XRCC2: variants seen among roughly 807,000 people sequenced by gnomAD.
The protein encoded by XRCC2 is X-ray repair cross complementing 2.
XRCC2 carries 24 observed loss-of-function variants against 27.3 expected under a neutral mutation model. That is an observed-to-expected ratio of 0.88 (90% CI 0.64 to 1.24). XRCC2 has a LOEUF of 1.24. Ranked by LOEUF, XRCC2 falls within the 50% of genes most tolerant of loss-of-function variation. The probability of loss-of-function intolerance (pLI) is 0.00; values close to 1 mark genes in which losing one functional copy is unlikely to be tolerated. For missense variants in XRCC2, 321 were observed against 325.8 expected, an observed-to-expected ratio of 0.99 and a Z score of 0.11; for synonymous variants, 106 against 115.4, an observed-to-expected ratio of 0.92 and a Z score of 0.52.
chr7:152,662,939 T>C (rs1387875152), intron 1 of XRCC2, among the ~76,000 whole-genome samples: 1 of 152,174 alleles, frequency 6.6e-6, no homozygotes, highest in Non-Finnish European at 1.5e-5. Flanking sequence ...AAAAGTTCTA[T>C]GCATTAATTT....
chr7:152,658,034 C>T (rs1198718472), intron 2 of XRCC2, among the ~76,000 whole-genome samples: 1 of 148,634 alleles, frequency 6.7e-6, no homozygotes. Flanking sequence ...GGCGCAATCT[C>T]GGCTCATTGC....
At chr7:152,670,719 C>G (rs745876117) in intron 1 of XRCC2, among the ~76,000 whole-genome samples, 1 of 152,068 alleles carries the variant, frequency 6.6e-6, no homozygotes, top group Non-Finnish European at 1.5e-5. Context: ...CCTGCCTCAG[C>G]CTCCTGAGTT....
intron 1 of XRCC2, among the ~76,000 whole-genome samples, chr7:152,669,154 G>A (rs774207443): frequency 1.8e-4 from 28 of 152,156 alleles, no homozygotes; most frequent in Admixed American, 1.1e-3. Flanking sequence ...TGAGGCAGGA[G>A]TACTTGAGGC....
At chr7:152,662,604 G>A (rs1208881828) in intron 1 of XRCC2, among the ~76,000 whole-genome samples, 12 of 110,540 alleles carry the variant, frequency 1.1e-4, no homozygotes, top group Admixed American at 4.1e-4. Flanking sequence ...ACGGAGTCTC[G>A]CTCTGTCGCC....
intron 1 of XRCC2, among the ~76,000 whole-genome samples, chr7:152,664,507 T>C (rs1250243567): frequency 2.0e-5 from 3 of 152,284 alleles, no homozygotes; most frequent in Middle Eastern, 6.8e-3. Flanking sequence ...CCCTCAGATA[T>C]TGGAGCCCCT....
chr7:152,654,698 G>A (rs1179144202), intron 2 of XRCC2, among the ~76,000 whole-genome samples: 1 of 152,204 alleles, frequency 6.6e-6, no homozygotes, highest in African/African-American at 2.4e-5. Context: ...CAAGGACAGA[G>A]TGGATTCCCG....
At chr7:152,663,841 T>G in intron 1 of XRCC2, 3 of 64,766 alleles carry the variant, frequency 4.6e-5, no homozygotes, top group African/African-American at 7.1e-5. Flanking sequence ...CCTGTCCCCC[T>G]GCCCCCCCCC....
Position 152,672,463 on chromosome 7 carries a change from G to C in XRCC2, c.39+3578C>G, listed in dbSNP as rs1196596451. ...TGCAGACACTGTGTTTAGTTCAAAGGATACAAAGAAGTATATGAGCTGTAA... is the reference window on the plus strand; with the variant it reads ...TGCAGACACTGTGTTTAGTTCAAAGCATACAAAGAAGTATATGAGCTGTAA... On this transcript the variant is annotated intron_variant, in intron 1 of 2. Transcript: ENST00000359321. 2.0e-5 allele frequency among the ~76,000 whole-genome samples: 3 copies of C among 152,102 alleles called. No individual in the cohort carries two copies. In the East Asian group the frequency reaches 5.8e-4, roughly 29 times the overall value.
chr7:152,675,878 G>T (rs2098040828), intron 1 of XRCC2, among the ~76,000 whole-genome samples, 163 bp downstream of exon 1: 1 of 152,156 alleles, frequency 6.6e-6, no homozygotes, highest in Non-Finnish European at 1.5e-5. Context: ...GGTGAGAGGT[G>T]GCAGAGGGTG....
In XRCC2 at chr7:152,645,427, TTC is replaced by T. The variant is rs1476496537; in HGVS notation, c.*3213_*3214del. 1.3e-5 allele frequency: 2 copies of T among 152,082 alleles called. No individual in the cohort carries two copies. Among genetic ancestry groups the T allele is most frequent in the Admixed American group, 1.3e-4 (2 of 15,250 alleles). The allele number at this position is 152,082 out of a possible 1,614,324, so 9.4% of individuals were successfully genotyped here. A position where few individuals can be genotyped will look rare whatever the true frequency, so the allele number is the denominator to read the frequency against. On this transcript the variant is annotated 3_prime_UTR_variant, in exon 3 of 3. Coordinates refer to ENST00000359321, the MANE Select transcript of XRCC2 (RefSeq NM_005431.2). ...CTCAGCCTAAAATTCTATTTTTTAA[TTC>T]TGTTGCTGGTACTTAGAAAAACTTA...
rs1251299092 is a variant in XRCC2 at position 152,646,310 on chromosome 7, G to GTA, written c.*2331_*2332insTA. 6.7e-6 allele frequency: 1 copy of GTA among 150,326 alleles called. No individual in the cohort carries two copies. Among genetic ancestry groups the GTA allele is most frequent in the African/African-American group, 2.4e-5 (1 of 41,066 alleles). 9.3% of individuals were successfully genotyped at this position (150,326 alleles called of 1,614,324 possible). On this transcript the variant is annotated 3_prime_UTR_variant, in exon 3 of 3. Transcript: ENST00000359321. ...TCTAAGTCTGTGAGAGGGTGTGTGT[G>GTA]TGTGTGTGTGTGTGTGTTGTTCCCT...
intron 1 of XRCC2, among the ~76,000 whole-genome samples, chr7:152,671,740 T>C (rs2098038277): frequency 6.6e-6 from 1 of 152,146 alleles, no homozygotes; most frequent in South Asian, 2.1e-4. Flanking sequence ...TTGAGAATGA[T>C]GATTATAAAT....
chr7:152,659,655 T>G (rs2098032215), intron 2 of XRCC2, among the ~76,000 whole-genome samples: 1 of 151,882 alleles, frequency 6.6e-6, no homozygotes, highest in African/African-American at 2.4e-5. Context: ...ACAATAACAA[T>G]TATTCCCAGA....
chr7:152,676,021 C>A lies in XRCC2; in HGVS notation c.39+20G>T. 1.2e-6 allele frequency: 2 copies of A among 1,613,644 alleles called. No individual in the cohort carries two copies. The highest frequency in any genetic ancestry group is 1.7e-6 in the Non-Finnish European group (2 of 1,179,790). On this transcript the variant is annotated intron_variant, in intron 1 of 2. Coordinates refer to ENST00000359321, the MANE Select transcript of XRCC2 (RefSeq NM_005431.2). The stretch of plus-strand genomic sequence containing the variant: ...CGGCCTTGTTCCCATCTCCCTCACT[C>A]CCAACCCGGCGGCTCTCACCTCGGT...
chr7:152,661,966 A>AG (rs1391306480), intron 1 of XRCC2, among the ~76,000 whole-genome samples: 2 of 151,976 alleles, frequency 1.3e-5, no homozygotes, highest in African/African-American at 4.8e-5. Context: ...CATATTATCC[A>AG]CTTCTTTTTC....
chr7:152,663,523 C>T (rs961494473), intron 1 of XRCC2, among the ~76,000 whole-genome samples: 5 of 152,094 alleles, frequency 3.3e-5, no homozygotes, highest in African/African-American at 1.2e-4. Flanking sequence ...AATTCTAAAC[C>T]CTTGGAATGT....
intron 1 of XRCC2, among the ~76,000 whole-genome samples, chr7:152,666,217 A>C (rs953282179): frequency 2.0e-5 from 3 of 149,978 alleles, no homozygotes; most frequent in African/African-American, 7.3e-5. Context: ...TTCTTCAATA[A>C]TTTTTTTTTT....
intron 1 of XRCC2, among the ~76,000 whole-genome samples, chr7:152,667,548 A>G (rs2117006579): frequency 6.6e-6 from 1 of 152,272 alleles, no homozygotes; most frequent in East Asian, 1.9e-4. Flanking sequence ...TTAGAAAATC[A>G]AATTTAATTT....
chr7:152,649,893 C>T (rs2098027779), intron 2 of XRCC2, among the ~76,000 whole-genome samples: 1 of 152,186 alleles, frequency 6.6e-6, no homozygotes, highest in Admixed American at 6.5e-5. Context: ...TGCCCTGCCG[C>T]ACCCTCCTGT....
Sources: gnomAD v4.1 joint callset for allele counts (sites outside exome capture counted in the v4.1 genomes callset) on GRCh38, gnomAD v4.1.1 for gene constraint, MANE v1.5 for transcripts, NCBI Gene and HGNC (gene_info 2026-07-23, HGNC 2026-07-21) for gene names.